Variants in PCDH15 observed in about 807,000 individuals in gnomAD.
PCDH15 encodes protocadherin-15.
Under a neutral mutation model 178.5 loss-of-function variants are expected in PCDH15, and 129 were observed. That is an observed-to-expected ratio of 0.72 (90% confidence interval 0.63 to 0.84). The LOEUF is 0.84. Ranked by LOEUF, PCDH15 falls within the 40% of genes least tolerant of loss-of-function variation. The pLI is 0.00. For synonymous variants in PCDH15, 800 were observed against 732.0 expected (o/e 1.09, Z -1.50); for missense variants, 2,230 against 2,099.9 (o/e 1.06, Z -1.21).
intron 2 of PCDH15, among the ~76,000 whole-genome samples, chr10:55,012,024 C>G (rs1428749747): frequency 6.6e-6 from 1 of 152,068 alleles, no homozygotes; most frequent in African/African-American, 2.4e-5. Flanking sequence ...CTTGAAAAAC[C>G]ATTTCTCCCT....
chr10:54,895,659 G>T (rs1052898914), intron 3 of PCDH15, among the ~76,000 whole-genome samples: 3 of 151,972 alleles, frequency 2.0e-5, no homozygotes, highest in African/African-American at 7.3e-5. Context: ...GCAAAACATT[G>T]TTTTGTTTAA....
chr10:55,213,266 A>C (rs980390105), intron 1 of PCDH15, among the ~76,000 whole-genome samples: 1 of 152,100 alleles, frequency 6.6e-6, no homozygotes, highest in Non-Finnish European at 1.5e-5. Context: ...AATCATTATC[A>C]TCTATTAGTT....
chr10:54,826,124 A>G (rs1953128381), intron 3 of PCDH15, among the ~76,000 whole-genome samples: 1 of 152,032 alleles, frequency 6.6e-6, no homozygotes, highest in Non-Finnish European at 1.5e-5. Context: ...TTATTGTTTA[A>G]TATCTTTATG....
At chr10:55,511,572 T>C (rs1840886589) in intron 2 of PCDH15, among the ~76,000 whole-genome samples, 1 of 152,050 alleles carries the variant, frequency 6.6e-6, no homozygotes, top group African/African-American at 2.4e-5. Flanking sequence ...GTTTCTAAAA[T>C]TGTTGTTGCT....
chr10:55,600,664 G>A (rs956120461), intron 2 of PCDH15, among the ~76,000 whole-genome samples: 1 of 151,974 alleles, frequency 6.6e-6, no homozygotes, highest in African/African-American at 2.4e-5. Context: ...ATCCAGGTTG[G>A]TTTCTATCTA....
At chr10:55,046,787 G>T (rs554845517) in intron 2 of PCDH15, among the ~76,000 whole-genome samples, 2 of 151,996 alleles carry the variant, frequency 1.3e-5, no homozygotes, top group South Asian at 2.1e-4. Flanking sequence ...CATAAATTAT[G>T]GCATCTCTTT....
intron 1 of PCDH15, among the ~76,000 whole-genome samples, chr10:55,240,790 G>C (rs1841520648): frequency 6.6e-6 from 1 of 151,998 alleles, no homozygotes. Context: ...CACAAAAATT[G>C]ACAAAAATAA....
intron 2 of PCDH15, among the ~76,000 whole-genome samples, chr10:55,455,092 TAA>T (rs1339570211): frequency 6.6e-6 from 1 of 152,134 alleles, no homozygotes; most frequent in Non-Finnish European, 1.5e-5. Context: ...TATATTATAG[TAA>T]AAGTACAAAT....
At chr10:54,341,456 C>G (rs537819563) in intron 6 of PCDH15, among the ~76,000 whole-genome samples, 1 of 152,158 alleles carries the variant, frequency 6.6e-6, no homozygotes, top group Admixed American at 6.5e-5. Context: ...GTGTCCCTAG[C>G]CATTCAGAAC....
In PCDH15 at chr10:53,857,273, GA is replaced by G. The variant is rs767838222; in HGVS notation, c.3718-11del. 6.3e-7 allele frequency: 1 copy of G among 1,596,342 alleles called. No homozygotes were observed. The highest frequency in any genetic ancestry group is 1.1e-5 in the South Asian group (1 of 90,664). ...GATTGACCACGGAGACCTGAAAGAA[GA>G]AAAAACAGAATTCATTTAATTTTTA... On this transcript the variant is annotated splice_polypyrimidine_tract_variant and intron_variant, in intron 27 of 37. Transcript: ENST00000644397.
intron 2 of PCDH15, among the ~76,000 whole-genome samples, chr10:55,522,284 T>C (rs1012819120): frequency 2.6e-5 from 4 of 151,878 alleles, no homozygotes; most frequent in African/African-American, 9.7e-5. Context: ...CGCATTTCCT[T>C]GATGAATAGA....
In PCDH15 at chr10:55,625,906, G is replaced by T. The variant is rs574774761; in HGVS notation, c.-156+1719C>A. On this transcript the variant is annotated intron_variant, in intron 2 of 5. Coordinates refer to the PCDH15 transcript ENST00000613346. Reference sequence around the variant, plus strand: ...CTCTCACCACTTTCGTGGTACTCTGGTCTCCCTATACTCTCCATGTCCTCC... The same window carrying T: ...CTCTCACCACTTTCGTGGTACTCTGTTCTCCCTATACTCTCCATGTCCTCC... Among the ~76,000 whole-genome samples, 24 of 152,034 alleles carry T rather than the reference G, an allele frequency of 1.6e-4. No individual in the cohort carries two copies. In the South Asian group the frequency reaches 5.0e-3, roughly 32 times the overall value.
intron 1 of PCDH15, among the ~76,000 whole-genome samples, chr10:54,753,750 T>TA (rs1946648863): frequency 6.6e-6 from 1 of 152,138 alleles, no homozygotes; most frequent in Non-Finnish European, 1.5e-5. Context: ...TTTCCCCTGG[T>TA]AGCACCTTCC....
At chr10:55,201,232 C>G (rs963341804) in intron 1 of PCDH15, among the ~76,000 whole-genome samples, 1 of 152,008 alleles carries the variant, frequency 6.6e-6, no homozygotes, top group Non-Finnish European at 1.5e-5. Flanking sequence ...TAAAGAAGAC[C>G]TCCATACTCC....
At chr10:54,155,862 T>C (rs916845957) in intron 13 of PCDH15, among the ~76,000 whole-genome samples, 1 of 151,788 alleles carries the variant, frequency 6.6e-6, no homozygotes, top group African/African-American at 2.4e-5. Flanking sequence ...TGAAGTCTAT[T>C]AGATGATGTT....
At chr10:54,606,640 G>T (rs1008950565) in intron 2 of PCDH15, 2 of 152,120 alleles carry the variant, frequency 1.3e-5, no homozygotes, top group African/African-American at 4.8e-5. Context: ...CAGTTCGGAT[G>T]CAGGCTAGAA....
intron 15 of PCDH15, among the ~76,000 whole-genome samples, chr10:54,124,849 A>G (rs1432030926): frequency 6.6e-6 from 1 of 152,206 alleles, no homozygotes; most frequent in African/African-American, 2.4e-5. Flanking sequence ...AAGATATCAG[A>G]AAAACAAATC....
At chr10:53,888,359 C>CATAT (rs68166844) in intron 26 of PCDH15, among the ~76,000 whole-genome samples, 68,423 of 106,304 alleles carry the variant, frequency 0.64, 23,114 homozygotes, top group East Asian at 0.78. Flanking sequence ...CGTATATATA[C>CATAT]ATATATATAT....
At chr10:54,483,549 A>C (rs574988219) in intron 3 of PCDH15, among the ~76,000 whole-genome samples, 54 of 151,810 alleles carry the variant, frequency 3.6e-4, no homozygotes, top group Non-Finnish European at 6.8e-4. Context: ...CAGTGAGGTC[A>C]TAGTGTAATG....
Sources: gnomAD v4.1 joint callset for allele counts (sites outside exome capture counted in the v4.1 genomes callset) on GRCh38, gnomAD v4.1.1 for gene constraint, MANE v1.5 for transcripts, NCBI Gene and HGNC (gene_info 2026-07-23, HGNC 2026-07-21) for gene names.